CSMD1: variants seen among roughly 807,000 people sequenced by gnomAD.
The protein encoded by CSMD1 is CUB and Sushi multiple domains 1, also known as CUB and sushi domain-containing protein 1.
A neutral mutation model predicts 417.5 loss-of-function variants in CSMD1; 213 were observed. The observed-to-expected ratio is 0.51, with a 90% confidence interval of 0.46 to 0.57. The LOEUF is 0.57. Among genes scored for constraint, CSMD1 ranks in the 20% least tolerant of loss-of-function variants. The pLI is 0.00. For missense variants in CSMD1, 6,923 were observed against 4,529.7 expected (o/e 1.53, Z -15.17); for synonymous variants, 2,862 against 1,736.8 (o/e 1.65, Z -16.11).
chr8:4,171,367 T>C (rs1797754822), intron 3 of CSMD1, among the ~76,000 whole-genome samples: 1 of 151,980 alleles, frequency 6.6e-6, no homozygotes, highest in African/African-American at 2.4e-5. Context: ...CCTTGAATTT[T>C]CTCTACAATT....
intron 5 of CSMD1, among the ~76,000 whole-genome samples, chr8:3,833,571 T>A (rs1048869531): frequency 2.6e-5 from 4 of 152,148 alleles, no homozygotes; most frequent in South Asian, 2.1e-4. Context: ...AATCAACTTT[T>A]TTGTTTTTCA....
intron 7 of CSMD1, among the ~76,000 whole-genome samples, chr8:3,683,010 C>G (rs1355239353): frequency 6.6e-6 from 1 of 151,892 alleles, no homozygotes; most frequent in Non-Finnish European, 1.5e-5. Context: ...AACACATGGA[C>G]ACAGGAAGGG....
chr8:4,785,947 G>C (rs1164981152), intron 1 of CSMD1, among the ~76,000 whole-genome samples: 1 of 152,134 alleles, frequency 6.6e-6, no homozygotes, highest in Non-Finnish European at 1.5e-5. Flanking sequence ...CTGAATTAAA[G>C]TTTTCAACAA....
chr8:4,153,420 G>A (rs890899699), intron 3 of CSMD1, among the ~76,000 whole-genome samples: 2 of 152,218 alleles, frequency 1.3e-5, no homozygotes, highest in African/African-American at 4.8e-5. Context: ...CATTCATGCT[G>A]TTGCCTGTGC....
At chr8:3,637,538 G>T (rs1051865766) in intron 7 of CSMD1, among the ~76,000 whole-genome samples, 3 of 152,090 alleles carry the variant, frequency 2.0e-5, no homozygotes, top group East Asian at 1.9e-4. Context: ...AAGTATACAA[G>T]AAATAGTTTG....
intron 54 of CSMD1, among the ~76,000 whole-genome samples, chr8:2,992,455 G>A (rs1227122536): frequency 2.0e-5 from 3 of 151,766 alleles, no homozygotes; most frequent in South Asian, 2.1e-4. Flanking sequence ...ATGAAGTCTC[G>A]CTCTGTCAGT....
At chr8:3,969,925 C>G (rs1441618308) in intron 5 of CSMD1, among the ~76,000 whole-genome samples, 1 of 152,124 alleles carries the variant, frequency 6.6e-6, no homozygotes, top group Non-Finnish European at 1.5e-5. Context: ...AAAAAAATCC[C>G]TCATTTTATT....
At position 3,359,345 on chromosome 8, in the gene CSMD1, G is replaced by A. The variant is rs1458686186; in HGVS notation, c.3116-5C>T. 8 of 1,611,834 alleles carry A rather than the reference G, an allele frequency of 5.0e-6. No individual in the cohort carries two copies. Among genetic ancestry groups the A allele is most frequent in the Non-Finnish European group, 6.8e-6 (8 of 1,178,854 alleles). On this transcript the variant is annotated splice_region_variant and splice_polypyrimidine_tract_variant and intron_variant, in intron 20 of 69. Transcript: ENST00000635120. ...CACATGGCTCCAGGTCATATTCTGAGGCATGCAGAGACAGAGTAAATGCAT... is the reference window on the plus strand; with the variant it reads ...CACATGGCTCCAGGTCATATTCTGAAGCATGCAGAGACAGAGTAAATGCAT...
chr8:3,240,653 G>A (rs927678573), intron 26 of CSMD1, among the ~76,000 whole-genome samples: 8 of 152,112 alleles, frequency 5.3e-5, no homozygotes, highest in African/African-American at 1.9e-4. Flanking sequence ...AAAGTGAAGA[G>A]AGGCTGGAAT....
chr8:4,032,093 G>A lies in CSMD1; in HGVS notation c.422C>T (p.Pro141Leu). ...TCCAGGATTTCCACAAGTGTGGCTAGGTAAAACTATTGGAAAAAGAAAAGA... is the reference window on the plus strand; with the variant it reads ...TCCAGGATTTCCACAAGTGTGGCTAAGTAAAACTATTGGAAAAAGAAAAGA... Reference protein sequence around the residue: ...QGFKALYEVLPSHTCGNPGEI... With the variant: ...QGFKALYEVLLSHTCGNPGEI... Residue 141 changes from proline (P) to leucine (L), a missense_variant, in exon 4 of 70, where the codon CCT (proline) becomes CTT (leucine). Physicochemically the swap from Pro to Leu is moderately conservative, Grantham distance 98 (BLOSUM62 -3). Coordinates refer to ENST00000635120, the MANE Select transcript of CSMD1 (RefSeq NM_033225.6). 3 of 1,600,596 alleles carry A rather than the reference G, an allele frequency of 1.9e-6. No individual in the cohort carries two copies. Among genetic ancestry groups the A allele is most frequent in the Middle Eastern group, 1.7e-4 (1 of 6,014 alleles).
chr8:3,251,200 T>A (rs1419037344), intron 26 of CSMD1, among the ~76,000 whole-genome samples: 5 of 152,196 alleles, frequency 3.3e-5, no homozygotes, highest in African/African-American at 1.2e-4. Flanking sequence ...GTTTTAGGTC[T>A]AACATTTAAG....
In CSMD1 at chr8:3,033,394, G is replaced by C. The variant is rs555976855; in HGVS notation, c.7661-3881C>G. 5.3e-5 allele frequency among the ~76,000 whole-genome samples: 8 copies of C among 152,238 alleles called. No homozygotes were observed. In the South Asian group the frequency reaches 1.7e-3, roughly 32 times the overall value. On this transcript the variant is annotated intron_variant, in intron 50 of 69. Transcript: ENST00000635120. ...TTCATGCACTACTGATTGTTAGAAA[G>C]AGACAAGCTGTAGTATCAATTGTAT...
At chr8:4,290,651 C>G (rs1320447049) in intron 3 of CSMD1, among the ~76,000 whole-genome samples, 1 of 152,144 alleles carries the variant, frequency 6.6e-6, no homozygotes, top group Non-Finnish European at 1.5e-5. Flanking sequence ...GAAGTATATT[C>G]ATAATTATGA....
At position 3,262,212 on chromosome 8, in the gene CSMD1, T is replaced by A. The variant is rs1213661591; in HGVS notation, c.4153+21932A>T. The stretch of plus-strand genomic sequence containing the variant: ...ATATATATATATATATATATATATA[T>A]ATATATATATATATATATACACACA... On this transcript the variant is annotated intron_variant, in intron 26 of 69. Coordinates refer to ENST00000635120, the MANE Select transcript of CSMD1 (RefSeq NM_033225.6). Among the ~76,000 whole-genome samples the A allele has an allele frequency of 4.7e-4, 48 of 101,774 alleles. 3 individuals carry two copies. Among genetic ancestry groups the A allele is most frequent in the Middle Eastern group, 5.2e-3 (1 of 194 alleles). 66.8% of individuals were successfully genotyped at this position (101,774 alleles called of 152,430 possible). A position where few individuals can be genotyped will look rare whatever the true frequency, so the allele number is the denominator to read the frequency against.
chr8:3,921,684 A>G (rs1435329695), intron 5 of CSMD1, among the ~76,000 whole-genome samples: 4 of 152,054 alleles, frequency 2.6e-5, no homozygotes, highest in Admixed American at 6.6e-5. Flanking sequence ...ATTTTCACAT[A>G]TTTGTAAACT....
chr8:4,842,650 G>T (rs1054059107), intron 1 of CSMD1, among the ~76,000 whole-genome samples: 1 of 152,198 alleles, frequency 6.6e-6, no homozygotes, highest in African/African-American at 2.4e-5. Flanking sequence ...GTTCTTCTCT[G>T]TTGGACAGTA....
chr8:4,222,801 C>G (rs962458250), intron 3 of CSMD1, among the ~76,000 whole-genome samples: 2 of 152,256 alleles, frequency 1.3e-5, no homozygotes, highest in East Asian at 1.9e-4. Flanking sequence ...GCTGGTTGAG[C>G]TGACCTGAGG....
intron 1 of CSMD1, among the ~76,000 whole-genome samples, chr8:4,747,340 C>G (rs967455935): frequency 2.4e-4 from 36 of 152,062 alleles, no homozygotes; most frequent in African/African-American, 8.7e-4. Context: ...GAAGAATTTG[C>G]TATATGATAG....
At chr8:4,892,228 T>A (rs1461409455) in intron 1 of CSMD1, among the ~76,000 whole-genome samples, 1 of 152,054 alleles carries the variant, frequency 6.6e-6, no homozygotes, top group South Asian at 2.1e-4. Flanking sequence ...ACATTGCCAA[T>A]AAAATAGTGC....
Sources: allele counts gnomAD v4.1 joint callset (sites outside exome capture counted in the v4.1 genomes callset), GRCh38; gene constraint gnomAD v4.1.1; transcripts MANE v1.5; gene names NCBI Gene and HGNC (gene_info 2026-07-23, HGNC 2026-07-21).